Variants in CSGALNACT1 observed in about 807,000 individuals in gnomAD.
CSGALNACT1 encodes the protein chondroitin sulfate N-acetylgalactosaminyltransferase 1.
CSGALNACT1 carries 52 observed loss-of-function variants against 51.0 expected under a neutral mutation model. That is an observed-to-expected ratio of 1.02 (90% CI 0.82 to 1.29). The LOEUF (loss-of-function observed/expected upper bound fraction) is 1.29, where lower values mean the gene tolerates loss of function less well. CSGALNACT1 is among the 50% of genes most tolerant of loss of function. The probability of loss-of-function intolerance (pLI) is 0.00; values close to 1 mark genes in which losing one functional copy is unlikely to be tolerated. For synonymous variants in CSGALNACT1, 341 were observed against 254.4 expected (o/e 1.34, Z -3.24); for missense variants, 935 against 679.2 (o/e 1.38, Z -4.19).
rs73667701 is a variant in CSGALNACT1, at chr8:19,540,601, T to C, written c.-296-34471A>G. ...AGGAAAAATTTCAAATGTCTTAATG[T>C]GGTGGGCCAGGTTCTTTGTGATCTG... On this transcript the variant is annotated intron_variant, in intron 3 of 9. Coordinates refer to ENST00000454498, the Ensembl canonical transcript of CSGALNACT1. 3.4e-3 allele frequency among the ~76,000 whole-genome samples: 522 copies of C among 152,338 alleles called. 3 individuals are homozygous for C. The highest frequency in any genetic ancestry group is 0.012 in the African/African-American group (489 of 41,584).
intron 1 of CSGALNACT1, among the ~76,000 whole-genome samples, chr8:19,637,028 TAA>T (rs112446820): frequency 2.0e-4 from 29 of 144,110 alleles, no homozygotes; most frequent in Non-Finnish European, 2.7e-4. Context: ...TGTTCTCTAC[TAA>T]AAAAAAAAAA....
intron 3 of CSGALNACT1, among the ~76,000 whole-genome samples, chr8:19,556,326 A>C (rs544111440): frequency 2.0e-5 from 3 of 152,164 alleles, no homozygotes; most frequent in East Asian, 3.9e-4. Flanking sequence ...CAGTGAGCCG[A>C]AATTGCACCA....
intron 3 of CSGALNACT1, among the ~76,000 whole-genome samples, chr8:19,589,692 G>C (rs1265709519): frequency 3.3e-5 from 5 of 152,104 alleles, no homozygotes; most frequent in Admixed American, 3.3e-4. Context: ...TTATCAACTA[G>C]ATCTCATTTC....
At chr8:19,698,502 G>A (rs907339099) in intron 1 of CSGALNACT1, among the ~76,000 whole-genome samples, 2 of 152,112 alleles carry the variant, frequency 1.3e-5, no homozygotes, top group African/African-American at 2.4e-5. Flanking sequence ...AAGAGGACAC[G>A]GAGGCTCACA....
At chr8:19,655,831 A>G (rs750359774) in intron 1 of CSGALNACT1, among the ~76,000 whole-genome samples, 2 of 152,210 alleles carry the variant, frequency 1.3e-5, no homozygotes, top group Non-Finnish European at 2.9e-5. Flanking sequence ...AGAAATATGA[A>G]TAAAACATGC....
chr8:19,535,411 G>A (rs901376262), intron 3 of CSGALNACT1, among the ~76,000 whole-genome samples: 1 of 152,116 alleles, frequency 6.6e-6, no homozygotes, highest in Non-Finnish European at 1.5e-5. Context: ...TTAGTTAAAA[G>A]TTGATGACTA....
At chr8:19,510,185 A>T (rs2078198940) in intron 3 of CSGALNACT1, among the ~76,000 whole-genome samples, 1 of 152,174 alleles carries the variant, frequency 6.6e-6, no homozygotes, top group Admixed American at 6.5e-5. Flanking sequence ...TGGAACTGTG[A>T]TGCATCACAT....
chr8:19,446,799 C>A (rs2062199063), intron 5 of CSGALNACT1, among the ~76,000 whole-genome samples: 4 of 152,184 alleles, frequency 2.6e-5, no homozygotes, highest in Admixed American at 2.6e-4. Flanking sequence ...AAGGTGTGAG[C>A]CGCCATGTCC....
chr8:19,491,703 G>A (rs2074395606), intron 4 of CSGALNACT1, among the ~76,000 whole-genome samples: 1 of 152,176 alleles, frequency 6.6e-6, no homozygotes, highest in South Asian at 2.1e-4. Flanking sequence ...TTTATGTCAT[G>A]CTCATATGCA....
chr8:19,457,614 A>G, intron 5 of CSGALNACT1: 2 of 1,241,652 alleles, frequency 1.6e-6, no homozygotes, highest in African/African-American at 1.5e-5. Context: ...CTCCATCTCA[A>G]AAAAAAAGAA....
intron 3 of CSGALNACT1, among the ~76,000 whole-genome samples, chr8:19,541,390 A>G (rs191322248): frequency 2.0e-5 from 3 of 151,172 alleles, no homozygotes; most frequent in Admixed American, 6.6e-5. Flanking sequence ...AGGTGGGACT[A>G]CAGGCACTTG....
chr8:19,651,920 T>TG (rs2057839987), intron 1 of CSGALNACT1, among the ~76,000 whole-genome samples: 1 of 112,684 alleles, frequency 8.9e-6, no homozygotes, highest in Non-Finnish European at 2.1e-5. Context: ...TGTCTGTTTT[T>TG]TTTTGTTTTG....
intron 3 of CSGALNACT1, among the ~76,000 whole-genome samples, chr8:19,557,001 T>C (rs1474536736): frequency 6.6e-6 from 1 of 151,540 alleles, no homozygotes; most frequent in Non-Finnish European, 1.5e-5. Flanking sequence ...AAAAAAAGTC[T>C]TCAACCTCAA....
chr8:19,523,745 G>T (rs1587799576), intron 3 of CSGALNACT1, among the ~76,000 whole-genome samples: 1 of 152,174 alleles, frequency 6.6e-6, no homozygotes, highest in Non-Finnish European at 1.5e-5. Flanking sequence ...GAGACAAACC[G>T]AAGGGTCAGC....
chr8:19,530,668 C>A (rs571415542), intron 3 of CSGALNACT1, among the ~76,000 whole-genome samples: 2 of 152,020 alleles, frequency 1.3e-5, no homozygotes, highest in Non-Finnish European at 2.9e-5. Context: ...GAGATCGGGG[C>A]TATAGCGAGC....
At chr8:19,655,862 G>T (rs1004475369) in intron 1 of CSGALNACT1, among the ~76,000 whole-genome samples, 1 of 152,124 alleles carries the variant, frequency 6.6e-6, no homozygotes, top group East Asian at 1.9e-4. Flanking sequence ...CTGGTAATAG[G>T]AGACTTAAAA....
At chr8:19,480,523 G>C (rs1040256168) in intron 4 of CSGALNACT1, among the ~76,000 whole-genome samples, 1 of 152,132 alleles carries the variant, frequency 6.6e-6, no homozygotes, top group Non-Finnish European at 1.5e-5. Context: ...ACTGTTGATG[G>C]GCATTTAGGT....
intron 5 of CSGALNACT1, among the ~76,000 whole-genome samples, chr8:19,446,760 C>T (rs557146454): frequency 1.8e-4 from 27 of 152,260 alleles, no homozygotes; most frequent in East Asian, 5.8e-4. Context: ...GTGAGCCACT[C>T]GCCTTGGCCT....
intron 1 of CSGALNACT1, among the ~76,000 whole-genome samples, chr8:19,617,638 G>C (rs992749062): frequency 4.6e-5 from 7 of 152,176 alleles, no homozygotes; most frequent in Non-Finnish European, 5.9e-5. Flanking sequence ...AGTGCCCCAG[G>C]ATAATTCTGA....
Sources: allele counts gnomAD v4.1 joint callset (sites outside exome capture counted in the v4.1 genomes callset), GRCh38; gene constraint gnomAD v4.1.1; transcripts MANE v1.5; gene names NCBI Gene and HGNC (gene_info 2026-07-23, HGNC 2026-07-21).